Variants in ZNF443 observed in about 807,000 individuals in gnomAD.
ZNF443 encodes the protein Kruppel-type zinc finger (C2H2).
In ZNF443, 3 loss-of-function variants were observed where a neutral mutation model predicts 12.0. That is an observed-to-expected ratio of 0.25 (90% CI 0.11 to 0.64). The LOEUF (loss-of-function observed/expected upper bound fraction) is 0.64. Among genes scored for constraint, ZNF443 ranks in the 30% least tolerant of loss-of-function variants. The pLI, the probability that ZNF443 is intolerant of heterozygous loss-of-function variation, is 0.84. For missense variants in ZNF443, 770 were observed against 808.8 expected (o/e 0.95, Z 0.58); for synonymous variants, 225 against 265.9 (o/e 0.85, Z 1.50).
chr19:12,440,896 G>T lies in ZNF443; in HGVS notation c.3+16C>A, dbSNP rs368613001. 6 of 1,614,052 alleles carry T rather than the reference G, an allele frequency of 3.7e-6. No individual in the cohort carries two copies. The highest frequency in any genetic ancestry group is 5.1e-6 in the Non-Finnish European group (6 of 1,179,980). The stretch of plus-strand genomic sequence containing the variant: ...AACCCCTCCCCCGCCTCGGGACGCC[G>T]GCCCAGCACACGCACCATTTCCCGA... On this transcript the variant is annotated intron_variant, in intron 1 of 3. Coordinates refer to ENST00000301547, the MANE Select transcript of ZNF443 (RefSeq NM_005815.5).
At chr19:12,435,577 T>C (rs1970301065) in intron 1 of ZNF443, among the ~76,000 whole-genome samples, 1 of 152,142 alleles carries the variant, frequency 6.6e-6, no homozygotes, top group African/African-American at 2.4e-5. Context: ...CATTTTCGCT[T>C]CTGGCTGATC....
In ZNF443 at chr19:12,439,709, T is replaced by C. The variant is rs972930842; in HGVS notation, c.3+1203A>G. 9.9e-5 allele frequency among the ~76,000 whole-genome samples: 15 copies of C among 152,238 alleles called. 1 individual carries two copies. The highest frequency in any genetic ancestry group is 7.7e-4 in the East Asian group (4 of 5,172). On this transcript the variant is annotated intron_variant, in intron 1 of 3. Coordinates refer to ENST00000301547, the MANE Select transcript of ZNF443 (RefSeq NM_005815.5). ...AGTCTTGCCATGTTGCCCAGGCTGG[T>C]CTGGAACTACTGGGATCAAGCAATA...
At chr19:12,433,403 T>C (rs1349451384) in intron 1 of ZNF443, among the ~76,000 whole-genome samples, 1 of 152,164 alleles carries the variant, frequency 6.6e-6, no homozygotes, top group Non-Finnish European at 1.5e-5. Flanking sequence ...AAATTAACAG[T>C]GGGATAGAAA....
At chr19:12,436,381 G>A (rs1283615858) in intron 1 of ZNF443, among the ~76,000 whole-genome samples, 1 of 150,724 alleles carries the variant, frequency 6.6e-6, no homozygotes, top group African/African-American at 2.5e-5. Flanking sequence ...TTGGGAGGCT[G>A]AGGCAGAAGA....
chr19:12,429,889 C>T lies in ZNF443; in HGVS notation c.*267G>A, dbSNP rs1486332838. 8.7e-6 allele frequency: 5 copies of T among 573,432 alleles called. No individual in the cohort carries two copies. Among genetic ancestry groups the T allele is most frequent in the African/African-American group, 1.9e-5 (1 of 53,452 alleles). The allele number at this position is 573,432 out of a possible 1,614,324, so 35.5% of individuals were successfully genotyped here. A position where few individuals can be genotyped will look rare whatever the true frequency, so the allele number is the denominator to read the frequency against. ...CATGAGGTATTTTAAGTAATCTAGA[C>T]ATAATTGAGACTATACAAGAGGATG... is the stretch of plus-strand genomic sequence containing the variant. On this transcript the variant is annotated 3_prime_UTR_variant, in exon 4 of 4. Transcript: ENST00000301547.
chr19:12,435,290 T>C (rs953198763), intron 1 of ZNF443, among the ~76,000 whole-genome samples: 2 of 152,174 alleles, frequency 1.3e-5, no homozygotes, highest in African/African-American at 4.8e-5. Flanking sequence ...CCCTCTCTTC[T>C]ACTTTATCTA....
chr19:12,431,424 C>T lies in ZNF443; in HGVS notation c.748G>A (p.Glu250Lys), dbSNP rs1970252789. 2.5e-6 allele frequency: 4 copies of T among 1,614,100 alleles called. No homozygotes were observed. The highest frequency in any genetic ancestry group is 4.5e-5 in the East Asian group (2 of 44,888). The change falls in exon 4 of 4, where the codon GAG becomes AAG. Residue 250 changes from glutamate to lysine, a missense_variant. Physicochemically the swap from Glu to Lys is moderately conservative, Grantham distance 56. Coordinates refer to ENST00000301547, the MANE Select transcript of ZNF443 (RefSeq NM_005815.5). ...CACTGTTTACATTCATACGGTTTCT[C>T]CCCAGTATGTGTTCTTTCATGTCTT... ...YLRHERTHTGEKPYECKQCSK... is the reference protein window; with the variant it reads ...YLRHERTHTGKKPYECKQCSK...
chr19:12,439,229 G>A (rs1252358031), intron 1 of ZNF443, among the ~76,000 whole-genome samples: 8 of 149,112 alleles, frequency 5.4e-5, no homozygotes, highest in Non-Finnish European at 4.4e-5. Context: ...AATCATTTCC[G>A]TTTTTTTTCC....
Position 12,437,102 on chromosome 19 carries a change from A to C in ZNF443, c.3+3810T>G, listed in dbSNP as rs573025397. 1.6e-4 allele frequency among the ~76,000 whole-genome samples: 24 copies of C among 152,212 alleles called. No homozygotes were observed. The South Asian group carries it at 5.0e-3, about 32-fold the overall frequency. On this transcript the variant is annotated intron_variant, in intron 1 of 3. Coordinates refer to ENST00000301547, the MANE Select transcript of ZNF443 (RefSeq NM_005815.5). ...GGAATTCAATAATAAAATGTTAAGA[A>C]ACAACAGCCTGTCACAGTGGCTCAG...
Position 12,429,881 on chromosome 19 carries a change from A to T in ZNF443, c.*275T>A, listed in dbSNP as rs1019143694. ...TTATAATGCATGAGGTATTTTAAGT[A>T]ATCTAGACATAATTGAGACTATACA... On this transcript the variant is annotated 3_prime_UTR_variant, in exon 4 of 4. Transcript: ENST00000301547. 9.0e-6 allele frequency: 5 copies of T among 556,550 alleles called. No individual in the cohort carries two copies. Among genetic ancestry groups the T allele is most frequent in the Admixed American group, 3.3e-5 (1 of 30,068 alleles). The allele number at this position is 556,550 out of a possible 1,614,324, so 34.5% of individuals were successfully genotyped here.
At position 12,430,854 on chromosome 19, in the gene ZNF443, C is replaced by T; in HGVS notation, c.1318G>A (p.Glu440Lys). 1 of 1,614,152 alleles carries T rather than the reference C, an allele frequency of 6.2e-7. No individual in the cohort carries two copies. The highest frequency in any genetic ancestry group is 8.5e-7 in the Non-Finnish European group (1 of 1,179,996). ...FVYPSVFQRHERTHTAEKPYK... is the reference protein window; with the variant it reads ...FVYPSVFQRHKRTHTAEKPYK... ...GGTTTCTCTGCAGTGTGAGTCCTTT[C>T]ATGTCTTTGAAATACACTGGGATAA... Residue 440 changes from glutamate to lysine, a missense_variant, in exon 4 of 4, where the codon GAA becomes AAA. This residue lies in a region of ZNF443 where 736 missense variants were observed against 689.4 expected (regional missense o/e 1.07). Coordinates refer to ENST00000301547, the MANE Select transcript of ZNF443 (RefSeq NM_005815.5).
Position 12,430,071 on chromosome 19 carries a change from T to A in ZNF443, c.*85A>T. On this transcript the variant is annotated 3_prime_UTR_variant, in exon 4 of 4. Coordinates refer to ENST00000301547, the MANE Select transcript of ZNF443 (RefSeq NM_005815.5). ...ACCAAGTGCTTACATTCACAGGGTC[T>A]ATCTCCAATGTGTTTCGTACAAGTA... 1 of 1,596,284 alleles carries A rather than the reference T, an allele frequency of 6.3e-7. No individual in the cohort carries two copies. The highest frequency in any genetic ancestry group is 1.1e-5 in the South Asian group (1 of 88,368).
chr19:12,431,819 A>C lies in ZNF443; in HGVS notation c.353T>G (p.Leu118Arg), dbSNP rs753939116. The change falls in exon 4 of 4, where the codon CTT becomes CGT. Residue 118 changes from leucine to arginine, a missense_variant. Around this residue, in one of 3 missense-constraint regions of ZNF443, gnomAD observed 736 missense variants for 689.4 expected, o/e 1.07. Transcript: ENST00000301547. ...RGEKVMGHSS[L>R]NCYIRVGAGH... ...AGCACCAACTCTGATGTAACAATTA[A>C]GGGATGAATGACCCATGACTTTTTC... 1.5e-5 allele frequency: 24 copies of C among 1,614,140 alleles called. 1 individual carries two copies. The South Asian group carries it at 2.5e-4, about 17-fold the overall frequency.
Position 12,440,922 on chromosome 19 carries a change from C to T in ZNF443, c.-8G>A, listed in dbSNP as rs1189298999. ...GCCCAGCACACGCACCATTTCCCGA[C>T]TTCCGCGGTGTCCCAGGTCCTACCG... On this transcript the variant is annotated 5_prime_UTR_variant, in exon 1 of 4. Coordinates refer to ENST00000301547, the MANE Select transcript of ZNF443 (RefSeq NM_005815.5). 1.2e-6 allele frequency: 2 copies of T among 1,614,018 alleles called. No individual in the cohort carries two copies. Among genetic ancestry groups the T allele is most frequent in the African/African-American group, 1.3e-5 (1 of 74,946 alleles).
In ZNF443 at chr19:12,431,611, G is replaced by T. The variant is rs1445624883; in HGVS notation, c.561C>A (p.His187Gln). Reference protein sequence around the residue: ...SFSSLGNLQRHMAVQRGDGPY... With the variant: ...SFSSLGNLQRQMAVQRGDGPY... ...GTCCATCTCCACGCTGCACTGCCAT[G>T]TGTCTTTGAAGGTTTCCCAAAGAAC... Residue 187 changes from histidine to glutamine, a missense_variant, in exon 4 of 4, where the codon CAC becomes CAA. Physicochemically the swap from His to Gln is conservative, Grantham distance 24. Around this residue, in one of 3 missense-constraint regions of ZNF443, gnomAD observed 736 missense variants for 689.4 expected, o/e 1.07. Transcript: ENST00000301547. 1.2e-6 allele frequency: 2 copies of T among 1,614,022 alleles called. No individual in the cohort carries two copies. The highest frequency in any genetic ancestry group is 1.7e-6 in the Non-Finnish European group (2 of 1,180,018).
At chr19:12,437,418 AAGAAAC>A (rs1970324570) in intron 1 of ZNF443, among the ~76,000 whole-genome samples, 3 of 139,196 alleles carry the variant, frequency 2.2e-5, no homozygotes, top group Admixed American at 7.2e-5. Flanking sequence ...AAAAAAAAAA[AAGAAAC>A]AAAGAAACAA....
Position 12,431,025 on chromosome 19 carries a change from G to T in ZNF443, c.1147C>A (p.His383Asn), listed in dbSNP as rs1450637864. 8.7e-6 allele frequency: 14 copies of T among 1,613,980 alleles called. No homozygotes were observed. Among genetic ancestry groups the T allele is most frequent in the Admixed American group, 1.7e-5 (1 of 59,998 alleles). The change falls in exon 4 of 4, where the codon CAT becomes AAT. Residue 383 changes from histidine to asparagine, a missense_variant. His to Asn is a moderately conservative substitution (Grantham distance 68). Transcript: ENST00000301547. The part of the protein sequence containing the change: ...GFDCPSSLQS[H>N]ERTHTGEKPY... ...TTCTCTCCAGTGTGAGTTCTTTCAT[G>T]ACTTTGCAGTGAACTAGGACAATCA...
Position 12,438,915 on chromosome 19 carries a change from C to A in ZNF443, c.3+1997G>T, listed in dbSNP as rs118094587. Among the ~76,000 whole-genome samples the A allele has an allele frequency of 5.3e-5, 8 of 152,206 alleles. No homozygotes were observed. In the East Asian group the frequency reaches 1.3e-3, roughly 26 times the overall value. ...ATCTCTAATCATAGGATGTATTTCA[C>A]GGTTAATCAAAAATTTAGGCTGAAA... On this transcript the variant is annotated intron_variant, in intron 1 of 3. Coordinates refer to ENST00000301547, the MANE Select transcript of ZNF443 (RefSeq NM_005815.5).
chr19:12,438,309 G>C (rs939447563), intron 1 of ZNF443, among the ~76,000 whole-genome samples: 10 of 152,164 alleles, frequency 6.6e-5, no homozygotes, highest in South Asian at 2.1e-4. Flanking sequence ...ACATTTTATA[G>C]CTCAACAGGA....
Sources: allele counts gnomAD v4.1 joint callset (sites outside exome capture counted in the v4.1 genomes callset), GRCh38; gene constraint gnomAD v4.1.1; regional missense constraint gnomAD v4.1.1; transcripts MANE v1.5; gene names NCBI Gene and HGNC (gene_info 2026-07-23, HGNC 2026-07-21).